PAPSS2: variants seen among roughly 807,000 people sequenced by gnomAD.
PAPSS2 encodes the protein bifunctional 3'-phosphoadenosine 5'-phosphosulfate synthase 2.
PAPSS2 carries 61 observed loss-of-function variants against 66.5 expected under a neutral mutation model. The observed-to-expected ratio is 0.92, with a 90% confidence interval of 0.75 to 1.14. The LOEUF is 1.14. Among genes scored for constraint, PAPSS2 ranks in the 50% most tolerant of loss-of-function variants. The probability of loss-of-function intolerance (pLI) is 0.00; values close to 1 mark genes in which losing one functional copy is unlikely to be tolerated. For synonymous variants in PAPSS2, 289 were observed against 287.5 expected (o/e 1.01, Z -0.05); for missense variants, 708 against 789.6 (o/e 0.90, Z 1.24).
chr10:87,744,940 T>A, intron 11 of PAPSS2, 62 bp from the exon 12 acceptor site: 1 of 1,422,196 alleles, frequency 7.0e-7, no homozygotes, highest in Non-Finnish European at 9.9e-7. Context: ...GGTGTCTCCA[T>A]AAACCATGAC....
At chr10:87,692,154 G>A (rs1486457233) in intron 1 of PAPSS2, among the ~76,000 whole-genome samples, 2 of 152,136 alleles carry the variant, frequency 1.3e-5, no homozygotes, top group Non-Finnish European at 2.9e-5. Context: ...ATGGCTCCTA[G>A]CTTACAAAAT....
chr10:87,680,431 T>C (rs373346820), intron 1 of PAPSS2, among the ~76,000 whole-genome samples: 1 of 152,116 alleles, frequency 6.6e-6, no homozygotes, highest in East Asian at 1.9e-4. Context: ...CATTCATCAA[T>C]GGAATACACT....
chr10:87,744,740 C>T (rs926011232), intron 11 of PAPSS2, among the ~76,000 whole-genome samples: 4 of 152,056 alleles, frequency 2.6e-5, no homozygotes, highest in Non-Finnish European at 5.9e-5. Context: ...TGTTCTTGTC[C>T]GGCTAGCCTG....
intron 7 of PAPSS2, among the ~76,000 whole-genome samples, chr10:87,716,388 C>T (rs570014617): frequency 1.9e-4 from 29 of 152,328 alleles, no homozygotes; most frequent in South Asian, 1.4e-3. Context: ...TTTCTGGCCA[C>T]GAGCTGAATG....
intron 1 of PAPSS2, among the ~76,000 whole-genome samples, chr10:87,669,146 A>G (rs538230611): frequency 1.3e-5 from 2 of 152,114 alleles, no homozygotes; most frequent in East Asian, 3.9e-4. Context: ...ACCCTTTCCC[A>G]CCTCACTCAG....
intron 1 of PAPSS2, among the ~76,000 whole-genome samples, chr10:87,673,478 C>T (rs1218537638): frequency 6.6e-6 from 1 of 151,778 alleles, no homozygotes; most frequent in Non-Finnish European, 1.5e-5. Context: ...TCTTCATATT[C>T]TCTTTATAAA....
At chr10:87,741,450 A>T (rs533787887) in intron 10 of PAPSS2, 80 bp downstream of exon 10, 1 of 1,247,952 alleles carries the variant, frequency 8.0e-7, no homozygotes, top group East Asian at 2.5e-5. Flanking sequence ...GCTGGAGTGC[A>T]ATGGCACGAT....
intron 1 of PAPSS2, among the ~76,000 whole-genome samples, chr10:87,671,004 C>T (rs918487895): frequency 1.4e-4 from 21 of 152,118 alleles, no homozygotes; most frequent in Non-Finnish European, 2.4e-4. Context: ...AAGCATTTAT[C>T]CAGGGACTAT....
chr10:87,709,152 GT>G, intron 1 of PAPSS2, 43 bp from the exon 2 acceptor site: 1 of 1,298,364 alleles, frequency 7.7e-7, no homozygotes, highest in East Asian at 2.3e-5. Flanking sequence ...AAGAATATGT[GT>G]TTTATTAATT....
At chr10:87,664,182 G>A (rs1852788173) in intron 1 of PAPSS2, among the ~76,000 whole-genome samples, 1 of 152,084 alleles carries the variant, frequency 6.6e-6, no homozygotes, top group Non-Finnish European at 1.5e-5. Flanking sequence ...TTGGCCTCCC[G>A]AAGTATTAGG....
chr10:87,692,813 G>A (rs1853187588), intron 1 of PAPSS2, among the ~76,000 whole-genome samples: 1 of 152,168 alleles, frequency 6.6e-6, no homozygotes, highest in African/African-American at 2.4e-5. Context: ...TTTATAGGGA[G>A]GGTAGCCCGC....
At chr10:87,706,108 A>ATATATGTGTGTGTGTG in intron 1 of PAPSS2, among the ~76,000 whole-genome samples, 6 of 52,014 alleles carry the variant, frequency 1.2e-4, no homozygotes, top group African/African-American at 4.0e-4. Flanking sequence ...ATATATATAT[A>ATATATGTGTGTGTGTG]TGTGTGTGTG....
intron 1 of PAPSS2, among the ~76,000 whole-genome samples, chr10:87,663,567 C>CT (rs1564705918): frequency 6.6e-6 from 1 of 152,164 alleles, no homozygotes; most frequent in Non-Finnish European, 1.5e-5. Context: ...CAGGAAACAG[C>CT]TTTGTCTTCA....
chr10:87,743,226 C>G, intron 10 of PAPSS2, 147 bp from the exon 11 acceptor site: 3 of 842,816 alleles, frequency 3.6e-6, no homozygotes, highest in South Asian at 2.9e-5. Flanking sequence ...GCCTGGGCAA[C>G]AGAGTGAGAC....
chr10:87,741,072 G>C (rs11202535), intron 9 of PAPSS2, among the ~76,000 whole-genome samples, 163 bp from the exon 10 acceptor site: 2 of 152,218 alleles, frequency 1.3e-5, no homozygotes, highest in East Asian at 3.9e-4. Context: ...GAGCATAACG[G>C]GTTCTAGAGA....
intron 9 of PAPSS2, among the ~76,000 whole-genome samples, chr10:87,734,961 A>T (rs921953421): frequency 6.6e-6 from 1 of 151,344 alleles, no homozygotes; most frequent in Non-Finnish European, 1.5e-5. Context: ...CTTTGAGCCT[A>T]TTTATCATAG....
intron 11 of PAPSS2, 140 bp downstream of exon 11, chr10:87,743,781 A>G: frequency 2.0e-6 from 2 of 1,022,010 alleles, no homozygotes; most frequent in Non-Finnish European, 1.5e-6. Flanking sequence ...TTCTTTATCT[A>G]GCTTAATTAT....
At chr10:87,738,407 GT>G (rs1564728362) in intron 9 of PAPSS2, among the ~76,000 whole-genome samples, 3 of 78,810 alleles carry the variant, frequency 3.8e-5, no homozygotes, top group African/African-American at 8.4e-5. Flanking sequence ...TTTCTTTTCT[GT>G]GTGTGTGTAT....
At chr10:87,688,842 C>G (rs1452020168) in intron 1 of PAPSS2, among the ~76,000 whole-genome samples, 2 of 152,078 alleles carry the variant, frequency 1.3e-5, no homozygotes, top group Non-Finnish European at 2.9e-5. Flanking sequence ...ATAACTCTCT[C>G]TTTTTCTTAA....
Sources: gnomAD v4.1 joint callset for allele counts (sites outside exome capture counted in the v4.1 genomes callset) on GRCh38, gnomAD v4.1.1 for gene constraint, MANE v1.5 for transcripts, NCBI Gene and HGNC (gene_info 2026-07-23, HGNC 2026-07-21) for gene names.